Variants in PKIB observed in about 807,000 individuals in gnomAD.
PKIB encodes cAMP-dependent protein kinase inhibitor beta, also known as PKI-beta.
Under a neutral mutation model 4.5 loss-of-function variants are expected in PKIB, and 2 were observed. The ratio of observed to expected loss-of-function variants is 0.44; its 90% CI spans 0.18 to 1.39. The LOEUF (loss-of-function observed/expected upper bound fraction) is 1.39. PKIB is among the 40% of genes most tolerant of loss of function. The pLI is 0.27. For missense variants in PKIB, 94 were observed against 92.6 expected, an observed-to-expected ratio of 1.02 and a Z score of -0.06; for synonymous variants, 38 against 36.0, an observed-to-expected ratio of 1.06 and a Z score of -0.20.
chr6:122,588,241 T>A (rs1773910880), intron 3 of PKIB, among the ~76,000 whole-genome samples: 2 of 152,202 alleles, frequency 1.3e-5, no homozygotes, highest in Admixed American at 1.3e-4. Flanking sequence ...TTTCTACATA[T>A]GGCTAGCCAG....
At chr6:122,619,503 G>A (rs747710303) in intron 1 of PKIB, among the ~76,000 whole-genome samples, 3 of 151,032 alleles carry the variant, frequency 2.0e-5, no homozygotes, top group African/African-American at 7.3e-5. Flanking sequence ...TCTCACCCCC[G>A]CACCTGCCTT....
chr6:122,527,963 A>G (rs1457809814), intron 2 of PKIB, among the ~76,000 whole-genome samples: 1 of 152,136 alleles, frequency 6.6e-6, no homozygotes. Context: ...TTCACTATTG[A>G]AAGTATTGAA....
At chr6:122,718,598 A>G (rs1582844578) in intron 4 of PKIB, among the ~76,000 whole-genome samples, 3 of 152,230 alleles carry the variant, frequency 2.0e-5, no homozygotes, top group Admixed American at 2.0e-4. Context: ...ATTAAAGATC[A>G]TTTTAGTTCC....
chr6:122,703,937 TATATAG>T (rs1319027720), intron 3 of PKIB, among the ~76,000 whole-genome samples: 12 of 130,420 alleles, frequency 9.2e-5, no homozygotes, highest in East Asian at 4.2e-4. Context: ...TATATATATA[TATATAG>T]AGAGAGAGAG....
intron 2 of PKIB, among the ~76,000 whole-genome samples, chr6:122,524,436 ATCG>A (rs1018884951): frequency 6.7e-6 from 1 of 148,352 alleles, no homozygotes; most frequent in Non-Finnish European, 1.5e-5. Flanking sequence ...CTTCATTGTC[ATCG>A]TCATCGTAGT....
intron 2 of PKIB, among the ~76,000 whole-genome samples, chr6:122,511,723 G>C (rs1439605118): frequency 6.6e-6 from 1 of 152,206 alleles, no homozygotes; most frequent in East Asian, 1.9e-4. Flanking sequence ...TTAGATCTAA[G>C]AAGCAGATGC....
chr6:122,530,684 A>G (rs937119284), intron 2 of PKIB, among the ~76,000 whole-genome samples: 2 of 152,120 alleles, frequency 1.3e-5, no homozygotes, highest in Non-Finnish European at 2.9e-5. Context: ...CTAACATGCT[A>G]CTAGCCTCTG....
chr6:122,494,727 G>A (rs966179406), intron 2 of PKIB, among the ~76,000 whole-genome samples: 2 of 152,154 alleles, frequency 1.3e-5, no homozygotes, highest in African/African-American at 4.8e-5. Context: ...CCAAAGAAGC[G>A]ACAGGAACCA....
chr6:122,714,026 C>A (rs911911439), intron 3 of PKIB, among the ~76,000 whole-genome samples: 3 of 151,952 alleles, frequency 2.0e-5, no homozygotes, highest in Non-Finnish European at 4.4e-5. Context: ...TACTTTTTTT[C>A]TTGTTGGGCT....
chr6:122,562,004 G>GTTTTTTTTTTT (rs758656278), intron 2 of PKIB, among the ~76,000 whole-genome samples: 208 of 79,380 alleles, frequency 2.6e-3, no homozygotes, highest in East Asian at 6.2e-3. Context: ...GTTTTTTTTT[G>GTTTTTTTTTTT]TTTTTTTTTT....
At chr6:122,475,141 C>G (rs2114505247) in intron 1 of PKIB, among the ~76,000 whole-genome samples, 1 of 152,128 alleles carries the variant, frequency 6.6e-6, no homozygotes, top group East Asian at 1.9e-4. Flanking sequence ...TCCAGCGATT[C>G]TCCTGCAACC....
At chr6:122,612,979 A>G (rs558235585) in intron 1 of PKIB, among the ~76,000 whole-genome samples, 7 of 152,318 alleles carry the variant, frequency 4.6e-5, no homozygotes, top group African/African-American at 1.7e-4. Flanking sequence ...GGCTTGGGAG[A>G]GGAACCATTG....
chr6:122,503,445 A>G (rs1776305636), intron 2 of PKIB, among the ~76,000 whole-genome samples: 1 of 152,196 alleles, frequency 6.6e-6, no homozygotes, highest in African/African-American at 2.4e-5. Flanking sequence ...CTCAATTCAA[A>G]CTGGCTTAAG....
chr6:122,682,537 TTGAG>T (rs1777937999), intron 3 of PKIB, among the ~76,000 whole-genome samples: 1 of 152,198 alleles, frequency 6.6e-6, no homozygotes, highest in African/African-American at 2.4e-5. Context: ...TTTTTTCAAC[TTGAG>T]GGGTTATTTT....
chr6:122,707,850 A>G (rs1475604222), intron 3 of PKIB, among the ~76,000 whole-genome samples: 1 of 152,204 alleles, frequency 6.6e-6, no homozygotes, highest in Non-Finnish European at 1.5e-5. Flanking sequence ...CAGAATTACA[A>G]CAGCACTGTT....
intron 2 of PKIB, among the ~76,000 whole-genome samples, chr6:122,654,882 G>C (rs1024309343): frequency 4.0e-5 from 6 of 151,884 alleles, no homozygotes; most frequent in South Asian, 2.1e-4. Flanking sequence ...GTCACTTTTT[G>C]GTTCATTCTC....
intron 2 of PKIB, among the ~76,000 whole-genome samples, chr6:122,499,554 CAT>C (rs1417819292): frequency 1.3e-5 from 2 of 152,136 alleles, no homozygotes; most frequent in African/African-American, 2.4e-5. Context: ...ATCAAAGAAA[CAT>C]ATATCAAAAT....
chr6:122,680,531 C>G (rs1366460948), intron 3 of PKIB, among the ~76,000 whole-genome samples: 1 of 152,070 alleles, frequency 6.6e-6, no homozygotes, highest in Non-Finnish European at 1.5e-5. Flanking sequence ...TCATGGTGGG[C>G]TTTGGGAAAA....
intron 2 of PKIB, among the ~76,000 whole-genome samples, chr6:122,651,301 G>A (rs1392892910): frequency 3.3e-5 from 5 of 152,100 alleles, no homozygotes; most frequent in Non-Finnish European, 4.4e-5. Flanking sequence ...CATGCAATTC[G>A]TTTGGTATGT....
Sources: allele counts gnomAD v4.1 joint callset (sites outside exome capture counted in the v4.1 genomes callset), GRCh38; gene constraint gnomAD v4.1.1; transcripts MANE v1.5; gene names NCBI Gene and HGNC (gene_info 2026-07-23, HGNC 2026-07-21).